The following PPP1R21 variants were observed in gnomAD, a reference collection of about 807,000 sequenced individuals.
PPP1R21 encodes the protein protein phosphatase 1 regulatory subunit 21, also known as KLRAQ motif containing 1.
In PPP1R21, 85 loss-of-function variants were observed where a neutral mutation model predicts 112.8. That is an observed-to-expected ratio of 0.75 (90% CI 0.63 to 0.90). The LOEUF (loss-of-function observed/expected upper bound fraction) is 0.90, where lower values mean the gene tolerates loss of function less well. Among genes scored for constraint, PPP1R21 ranks in the 40% least tolerant of loss-of-function variants. The pLI is 0.00. For missense variants in PPP1R21, 1,199 were observed against 901.5 expected, an observed-to-expected ratio of 1.33 and a Z score of -4.23; for synonymous variants, 381 against 322.3, an observed-to-expected ratio of 1.18 and a Z score of -1.95.
intron 12 of PPP1R21, among the ~76,000 whole-genome samples, chr2:48,475,957 A>G (rs1469106834): frequency 6.6e-6 from 1 of 152,146 alleles, no homozygotes; most frequent in Non-Finnish European, 1.5e-5. Context: ...ATTATTGTAT[A>G]ATTTATATAC....
chr2:48,442,233 A>G (rs969981672), intron 1 of PPP1R21, among the ~76,000 whole-genome samples: 2 of 152,234 alleles, frequency 1.3e-5, no homozygotes, highest in African/African-American at 2.4e-5. Flanking sequence ...GGAGGTTGGC[A>G]ATGCTCAAAT....
intron 13 of PPP1R21, among the ~76,000 whole-genome samples, chr2:48,484,331 C>CT (rs1367433631): frequency 1.3e-5 from 2 of 152,060 alleles, no homozygotes; most frequent in African/African-American, 4.8e-5. Flanking sequence ...GGAGCATATT[C>CT]TAAGTGAGAA....
chr2:48,453,393 A>G (rs1001599010), intron 2 of PPP1R21, among the ~76,000 whole-genome samples: 7 of 152,094 alleles, frequency 4.6e-5, no homozygotes, highest in Non-Finnish European at 7.3e-5. Context: ...ACGTCTCACT[A>G]TGTTGCTCAG....
chr2:48,469,962 A>G (rs1668430065), intron 9 of PPP1R21, among the ~76,000 whole-genome samples: 1 of 152,168 alleles, frequency 6.6e-6, no homozygotes, highest in Non-Finnish European at 1.5e-5. Flanking sequence ...AAAGAGATTA[A>G]GTTACCCAGG....
At chr2:48,450,768 GC>G (rs768824904) in intron 1 of PPP1R21, among the ~76,000 whole-genome samples, 4 of 150,980 alleles carry the variant, frequency 2.6e-5, no homozygotes, top group Non-Finnish European at 3.0e-5. Context: ...TCCCATTTTT[GC>G]CATTGATTTT....
intron 17 of PPP1R21, among the ~76,000 whole-genome samples, chr2:48,501,187 C>A (rs1346678628): frequency 1.3e-5 from 2 of 152,128 alleles, no homozygotes. Flanking sequence ...AAAAGAATTC[C>A]AACATCCATC....
intron 1 of PPP1R21, among the ~76,000 whole-genome samples, chr2:48,444,418 C>T (rs1667162926): frequency 6.6e-6 from 1 of 152,224 alleles, no homozygotes; most frequent in African/African-American, 2.4e-5. Context: ...AAGACCATTT[C>T]TGACTTGCTG....
intron 1 of PPP1R21, among the ~76,000 whole-genome samples, chr2:48,442,989 A>G (rs1011469028): frequency 6.6e-6 from 1 of 152,216 alleles, no homozygotes; most frequent in Admixed American, 6.5e-5. Flanking sequence ...GGAAAAAAGC[A>G]GGGAGTAGAC....
At chr2:48,451,108 TAA>T in intron 2 of PPP1R21, 32 bp downstream of exon 2, 2 of 1,570,202 alleles carry the variant, frequency 1.3e-6, no homozygotes, top group Non-Finnish European at 1.8e-6. Context: ...TTGTGAGGGT[TAA>T]GTTAGCATTT....
intron 9 of PPP1R21, 66 bp downstream of exon 9, chr2:48,465,708 G>C: frequency 2.1e-5 from 30 of 1,461,420 alleles, no homozygotes; most frequent in Middle Eastern, 3.6e-4. Context: ...TTTGTTTTTA[G>C]ACCTCTTCTG....
At position 48,474,770 on chromosome 2, in the gene PPP1R21, A is replaced by G. The variant is rs1490652566; in HGVS notation, c.1176A>G (p.Thr392=). Residue 392 remains threonine (T), a synonymous_variant, in exon 12 of 22, where the codon ACA becomes ACG. Coordinates refer to ENST00000294952, the MANE Select transcript of PPP1R21 (RefSeq NM_001135629.3). ...LELSQDMKKM[T]AVFEKLQTYI... ...TGTCCCAGGACATGAAAAAAATGAC[A>G]GCTGTGTTTGAGAAGCTGCAGACTT... 1.2e-6 allele frequency: 2 copies of G among 1,613,668 alleles called. No homozygotes were observed. Among genetic ancestry groups the G allele is most frequent in the Non-Finnish European group, 1.7e-6 (2 of 1,179,818 alleles).
chr2:48,506,991 G>T (rs1046477712), intron 18 of PPP1R21, among the ~76,000 whole-genome samples: 1 of 150,930 alleles, frequency 6.6e-6, no homozygotes, highest in Admixed American at 6.6e-5. Flanking sequence ...ATAAAAGCTG[G>T]ATGGAGGGGC....
rs2103689501 is a variant in PPP1R21, at chr2:48,515,040, A to C, written c.*296A>C. On this transcript the variant is annotated 3_prime_UTR_variant, in exon 22 of 22. Transcript: ENST00000294952. ...CTTTTTAAAATTAGGTTTTAATTTCAGTATGTAAGAACAAATATTTTGTAT... is the reference window on the plus strand; with the variant it reads ...CTTTTTAAAATTAGGTTTTAATTTCCGTATGTAAGAACAAATATTTTGTAT... 2.8e-6 allele frequency: 1 copy of C among 356,596 alleles called. No individual in the cohort carries two copies. The highest frequency in any genetic ancestry group is 4.5e-5 in the Admixed American group (1 of 22,198). The allele number at this position is 356,596 out of a possible 1,614,324, so 22.1% of individuals were successfully genotyped here. A position where few individuals can be genotyped will look rare whatever the true frequency, so the allele number is the denominator to read the frequency against.
intron 1 of PPP1R21, among the ~76,000 whole-genome samples, chr2:48,448,842 C>T (rs892628631): frequency 6.6e-6 from 1 of 152,188 alleles, no homozygotes; most frequent in South Asian, 2.1e-4. Flanking sequence ...ATATTTTAGG[C>T]TTGAGGCTAT....
At chr2:48,475,584 A>T (rs1411104540) in intron 12 of PPP1R21, among the ~76,000 whole-genome samples, 1 of 151,878 alleles carries the variant, frequency 6.6e-6, no homozygotes, top group East Asian at 1.9e-4. Flanking sequence ...GCGGTGGCTC[A>T]TGCCTGTAAT....
intron 2 of PPP1R21, among the ~76,000 whole-genome samples, chr2:48,452,926 C>G (rs373391713): frequency 6.6e-6 from 1 of 150,902 alleles, no homozygotes; most frequent in South Asian, 2.1e-4. Flanking sequence ...AGTGTAGACA[C>G]TAGCCTATGG....
chr2:48,512,705 G>A (rs1447939915), intron 21 of PPP1R21, among the ~76,000 whole-genome samples: 1 of 152,184 alleles, frequency 6.6e-6, no homozygotes, highest in Non-Finnish European at 1.5e-5. Flanking sequence ...TTTGGAGGCT[G>A]TCTCTGATGC....
chr2:48,491,010 T>G lies in PPP1R21; in HGVS notation c.1447-8T>G, dbSNP rs1415564747. ...ACAAAATCTATTTCCTTGTCATACT[T>G]TGTTTAGATTGCATCCTTCTTCAGC... On this transcript the variant is annotated splice_region_variant and splice_polypyrimidine_tract_variant and intron_variant, in intron 14 of 21. Transcript: ENST00000294952. 6.2e-7 allele frequency: 1 copy of G among 1,612,194 alleles called. No homozygotes were observed. The highest frequency in any genetic ancestry group is 1.7e-5 in the Admixed American group (1 of 60,006).
intron 6 of PPP1R21, among the ~76,000 whole-genome samples, chr2:48,460,452 G>C (rs941422809): frequency 3.3e-5 from 5 of 152,160 alleles, no homozygotes; most frequent in African/African-American, 9.7e-5. Context: ...AGGGGCCTCT[G>C]ATAGTCCCAG....
Sources: gnomAD v4.1 joint callset for allele counts (sites outside exome capture counted in the v4.1 genomes callset) on GRCh38, gnomAD v4.1.1 for gene constraint, MANE v1.5 for transcripts, NCBI Gene and HGNC (gene_info 2026-07-23, HGNC 2026-07-21) for gene names.